PTPRD: variants seen among roughly 807,000 people sequenced by gnomAD.
PTPRD encodes protein tyrosine phosphatase receptor type D.
A neutral mutation model predicts 214.5 loss-of-function variants in PTPRD; 34 were observed. The ratio of observed to expected loss-of-function variants is 0.16; its 90% CI spans 0.12 to 0.21. The LOEUF is 0.21. Ranked by LOEUF, PTPRD falls within the 10% of genes least tolerant of loss-of-function variation. PTPRD has a pLI of 1.00. For missense variants in PTPRD, 2,545 were observed against 2,398.7 expected (o/e 1.06, Z -1.27); for synonymous variants, 1,128 against 845.7 (o/e 1.33, Z -5.79).
chr9:9,605,766 C>T (rs766350801), intron 7 of PTPRD, among the ~76,000 whole-genome samples: 4 of 151,944 alleles, frequency 2.6e-5, no homozygotes, highest in Non-Finnish European at 4.4e-5. Flanking sequence ...GTTACAAATG[C>T]TTGTTATTAT....
chr9:10,445,512 C>T (rs960149299), intron 2 of PTPRD, among the ~76,000 whole-genome samples: 1 of 152,080 alleles, frequency 6.6e-6, no homozygotes, highest in Non-Finnish European at 1.5e-5. Flanking sequence ...GAAAGGAATA[C>T]ATTTGAGAAA....
At chr9:9,929,621 T>C (rs960349943) in intron 5 of PTPRD, among the ~76,000 whole-genome samples, 6 of 152,144 alleles carry the variant, frequency 3.9e-5, no homozygotes, top group African/African-American at 1.4e-4. Context: ...CTCAATCTCT[T>C]GACCTCGTGA....
At chr9:10,200,638 G>C (rs959554537) in intron 3 of PTPRD, among the ~76,000 whole-genome samples, 8 of 152,008 alleles carry the variant, frequency 5.3e-5, no homozygotes, top group African/African-American at 1.9e-4. Flanking sequence ...CAAATAAACA[G>C]AATCACAAAG....
chr9:9,426,796 G>A (rs972961405), intron 8 of PTPRD, among the ~76,000 whole-genome samples: 4 of 152,102 alleles, frequency 2.6e-5, no homozygotes, highest in Non-Finnish European at 5.9e-5. Context: ...AGGCAAACAG[G>A]GACTGGAGTG....
At chr9:9,355,313 G>C (rs1393558218) in intron 9 of PTPRD, among the ~76,000 whole-genome samples, 3 of 151,674 alleles carry the variant, frequency 2.0e-5, no homozygotes, top group African/African-American at 7.2e-5. Context: ...GAAGCATGGA[G>C]ATCCATCAAG....
intron 5 of PTPRD, among the ~76,000 whole-genome samples, chr9:9,835,927 G>A (rs1483548606): frequency 2.0e-5 from 3 of 152,168 alleles, no homozygotes; most frequent in South Asian, 4.1e-4. Flanking sequence ...AATAAGTGAT[G>A]AATGATATTC....
rs534450668 is a variant in PTPRD at position 10,323,987 on chromosome 9, A to G, written c.-545+16976T>C. Among the ~76,000 whole-genome samples the G allele has an allele frequency of 3.2e-4, 48 of 152,222 alleles. No individual in the cohort carries two copies. The South Asian group carries it at 9.7e-3, about 31-fold the overall frequency. ...AATTTTTAAGAGAAATTAAAAATAA[A>G]TTGGATAATTGCCTTCCATTGAATT... On this transcript the variant is annotated intron_variant, in intron 3 of 45. Coordinates refer to ENST00000381196, the MANE Select transcript of PTPRD (RefSeq NM_002839.4).
At chr9:9,645,598 G>C (rs1049407681) in intron 7 of PTPRD, among the ~76,000 whole-genome samples, 23 of 151,550 alleles carry the variant, frequency 1.5e-4, no homozygotes, top group African/African-American at 5.6e-4. Flanking sequence ...TGTCTTCAAT[G>C]GCTGCTACAA....
chr9:8,741,417 G>A (rs545288792), intron 11 of PTPRD, among the ~76,000 whole-genome samples: 12 of 152,170 alleles, frequency 7.9e-5, no homozygotes, highest in African/African-American at 1.4e-4. Flanking sequence ...TCAACATGCC[G>A]TTGGAACTCT....
chr9:8,982,884 G>T (rs1171137316), intron 11 of PTPRD, among the ~76,000 whole-genome samples: 2 of 151,858 alleles, frequency 1.3e-5, no homozygotes, highest in African/African-American at 2.4e-5. Context: ...CAAACATTAT[G>T]TTTTTGGCTA....
intron 9 of PTPRD, among the ~76,000 whole-genome samples, chr9:9,334,919 T>G (rs1034160525): frequency 6.6e-6 from 1 of 152,002 alleles, no homozygotes; most frequent in Non-Finnish European, 1.5e-5. Context: ...AATAAGTTAA[T>G]AGTAATTTTT....
At chr9:9,787,876 G>A (rs1307085450) in intron 5 of PTPRD, among the ~76,000 whole-genome samples, 1 of 151,834 alleles carries the variant, frequency 6.6e-6, no homozygotes, top group Non-Finnish European at 1.5e-5. Flanking sequence ...CCACCTCCCA[G>A]GTTCAAGAGA....
At chr9:9,281,605 C>T (rs781148174) in intron 9 of PTPRD, among the ~76,000 whole-genome samples, 1 of 151,200 alleles carries the variant, frequency 6.6e-6, no homozygotes, top group African/African-American at 2.4e-5. Context: ...ACACAAAATT[C>T]TGGTAAGGAT....
intron 12 of PTPRD, among the ~76,000 whole-genome samples, chr9:8,728,203 T>C (rs1416824626): frequency 6.6e-6 from 1 of 152,158 alleles, no homozygotes; most frequent in Non-Finnish European, 1.5e-5. Context: ...TGAGCCAAGA[T>C]CGTGCCATTG....
At chr9:9,738,136 A>G (rs923923400) in intron 6 of PTPRD, among the ~76,000 whole-genome samples, 3 of 152,148 alleles carry the variant, frequency 2.0e-5, no homozygotes, top group African/African-American at 7.2e-5. Context: ...TAGCATTAGG[A>G]GATATACCTA....
intron 3 of PTPRD, among the ~76,000 whole-genome samples, chr9:10,223,709 T>TAAA (rs2099579495): frequency 6.9e-6 from 1 of 145,866 alleles, no homozygotes; most frequent in Non-Finnish European, 1.5e-5. Flanking sequence ...ATAATAATAA[T>TAAA]AATAAAGTAG....
chr9:10,024,156 G>A (rs1190954478), intron 4 of PTPRD, among the ~76,000 whole-genome samples: 1 of 152,050 alleles, frequency 6.6e-6, no homozygotes, highest in Non-Finnish European at 1.5e-5. Flanking sequence ...AAATGTTTCA[G>A]TAATGTATAA....
chr9:8,493,979 CACACACACAG>C (rs957491106), intron 26 of PTPRD, among the ~76,000 whole-genome samples: 24 of 146,884 alleles, frequency 1.6e-4, no homozygotes, highest in African/African-American at 4.0e-4. Flanking sequence ...GACACATGCG[CACACACACAG>C]ACACACACAG....
intron 28 of PTPRD, 185 bp downstream of exon 28, chr9:8,485,577 G>C (rs2096983524): frequency 3.1e-6 from 2 of 655,058 alleles, no homozygotes; most frequent in Non-Finnish European, 5.1e-6. Context: ...AGCCAGACTT[G>C]CTTGACATTC....
Sources: allele counts gnomAD v4.1 joint callset (sites outside exome capture counted in the v4.1 genomes callset), GRCh38; gene constraint gnomAD v4.1.1; transcripts MANE v1.5; gene names NCBI Gene and HGNC (gene_info 2026-07-23, HGNC 2026-07-21).